The following MID1 variants were observed in gnomAD, a reference collection of about 807,000 sequenced individuals.
MID1 encodes midline 1, also known as E3 ubiquitin-protein ligase Midline-1.
MID1 carries 7 observed loss-of-function variants against 40.4 expected under a neutral mutation model. The ratio of observed to expected loss-of-function variants is 0.17; its 90% CI spans 0.10 to 0.33. The LOEUF is 0.33. MID1 is among the 10% of genes least tolerant of loss of function. The pLI, the probability that MID1 is intolerant of heterozygous loss-of-function variation, is 1.00. For synonymous variants in MID1, 229 were observed against 221.2 expected (o/e 1.04, Z -0.31); for missense variants, 367 against 558.5 (o/e 0.66, Z 3.46).
chrX:10,824,992 C>A (rs1360755456), intron 1 of MID1, among the ~76,000 whole-genome samples: 1 of 111,677 alleles, frequency 9.0e-6, no homozygotes, highest in Non-Finnish European at 1.9e-5. Flanking sequence ...CTCTCCCACA[C>A]GTTTTTCTAT....
At chrX:10,491,598 T>G (rs1179147580) in intron 4 of MID1, among the ~76,000 whole-genome samples, 1 of 111,568 alleles carries the variant, frequency 9.0e-6, no homozygotes, top group Non-Finnish European at 1.9e-5. Flanking sequence ...GATACTTTTT[T>G]GCTGCTTACT....
chrX:10,660,896 T>C (rs1386012497), intron 1 of MID1, among the ~76,000 whole-genome samples: 3 of 112,309 alleles, frequency 2.7e-5, no homozygotes, highest in Non-Finnish European at 5.6e-5. Flanking sequence ...CTAAGTGTTG[T>C]TTGAAAGCGA....
chrX:10,775,869 A>G (rs894319489), intron 1 of MID1, among the ~76,000 whole-genome samples: 2 of 111,640 alleles, frequency 1.8e-5, no homozygotes, highest in Admixed American at 9.6e-5. Context: ...AAGGCTTTTA[A>G]ACCTCAGGTT....
intron 1 of MID1, among the ~76,000 whole-genome samples, chrX:10,740,919 C>T (rs1020694766): frequency 1.8e-5 from 2 of 109,770 alleles, no homozygotes; most frequent in African/African-American, 6.8e-5. Context: ...ATCTTAAAGT[C>T]TAGCCAAAGA....
chrX:10,565,970 C>T (rs949973230), intron 2 of MID1, among the ~76,000 whole-genome samples: 3 of 110,557 alleles, frequency 2.7e-5, no homozygotes, highest in African/African-American at 9.9e-5. Context: ...CCACCACACC[C>T]GGCTAATTTT....
At chrX:10,643,224 G>C (rs1936221811) in intron 1 of MID1, among the ~76,000 whole-genome samples, 2 of 111,019 alleles carry the variant, frequency 1.8e-5, no homozygotes. Flanking sequence ...AGAGTGAACA[G>C]GCAACCTACA....
At chrX:10,511,405 G>T (rs971028161) in intron 3 of MID1, among the ~76,000 whole-genome samples, 2 of 110,979 alleles carry the variant, frequency 1.8e-5, no homozygotes, top group Non-Finnish European at 3.8e-5. Context: ...TAAGTTCAGG[G>T]TCTCTGTCTC....
At chrX:10,466,355 TTG>T (rs1333264219) in intron 7 of MID1, among the ~76,000 whole-genome samples, 2 of 112,172 alleles carry the variant, frequency 1.8e-5, no homozygotes, top group African/African-American at 6.5e-5. Flanking sequence ...CCCCTTTTTG[TTG>T]TGTTTTTCCT....
At chrX:10,557,201 G>A (rs1934155288) in intron 2 of MID1, among the ~76,000 whole-genome samples, 1 of 111,616 alleles carries the variant, frequency 9.0e-6, no homozygotes, top group African/African-American at 3.3e-5. Flanking sequence ...ATGTCAGCAT[G>A]GGGGCATCTT....
intron 1 of MID1, among the ~76,000 whole-genome samples, chrX:10,669,225 C>CAAAAAA (rs1350249196): frequency 2.9e-5 from 1 of 33,944 alleles, no homozygotes; most frequent in African/African-American, 1.5e-4. Flanking sequence ...GACTCCGTCT[C>CAAAAAA]AAAATAAAAA....
In MID1 at chrX:10,463,303, G is replaced by A. The variant is rs985685422; in HGVS notation, c.1286-3496C>T. Among the ~76,000 whole-genome samples the A allele has an allele frequency of 5.4e-5, 6 of 111,870 alleles. No homozygotes were observed. The Admixed American group carries it at 5.7e-4, about 11-fold the overall frequency. On this transcript the variant is annotated intron_variant, in intron 7 of 9. Transcript: ENST00000317552. ...TATTATCTAAGTCTCCTTCACTAAC[G>A]CCAGTTGAAGGCAATTAACTACAAT...
intron 1 of MID1, among the ~76,000 whole-genome samples, chrX:10,585,031 G>A (rs1935108566): frequency 9.0e-6 from 1 of 110,770 alleles, no homozygotes; most frequent in African/African-American, 3.3e-5. Context: ...TGGTTAGAGT[G>A]AAACAGAACA....
intron 1 of MID1, among the ~76,000 whole-genome samples, chrX:10,590,322 GTC>G (rs1935263607): frequency 9.0e-6 from 1 of 110,993 alleles, no homozygotes; most frequent in Non-Finnish European, 1.9e-5. Flanking sequence ...ATATGAGAGG[GTC>G]TGTCTCTCTT....
chrX:10,523,045 G>T, intron 3 of MID1, 47 bp downstream of exon 3: 1 of 871,557 alleles, frequency 1.1e-6, no homozygotes, highest in Non-Finnish European at 1.7e-6. Context: ...CCTTGATCTG[G>T]CAGTTTTCAT....
At chrX:10,450,302 T>C (rs781535709) in intron 9 of MID1, among the ~76,000 whole-genome samples, 1 of 112,794 alleles carries the variant, frequency 8.9e-6, no homozygotes, top group Non-Finnish European at 1.9e-5. Flanking sequence ...TTTAACACCA[T>C]GTCTGTCATT....
chrX:10,675,538 A>G (rs2043017171), intron 1 of MID1, among the ~76,000 whole-genome samples: 1 of 111,565 alleles, frequency 9.0e-6, no homozygotes, highest in Non-Finnish European at 1.9e-5. Context: ...CGCCTCTCAG[A>G]AGGACTTTTG....
At chrX:10,466,224 A>T (rs1929378096) in intron 7 of MID1, among the ~76,000 whole-genome samples, 1 of 112,005 alleles carries the variant, frequency 8.9e-6, no homozygotes, top group South Asian at 3.7e-4. Context: ...TTTGAATTTC[A>T]TCTTCTTCAA....
At position 10,464,769 on chromosome X, in the gene MID1, T is replaced by G. The variant is rs762498117; in HGVS notation, c.1285+4928A>C. Among the ~76,000 whole-genome samples, 21 of 111,929 alleles carry G rather than the reference T, an allele frequency of 1.9e-4. No homozygotes were observed. In the South Asian group the frequency reaches 7.4e-3, roughly 40 times the overall value. ...GTTGACTCCAGATGCATAAGCAATA[T>G]GAATTCTACTTAGGCCCTGTGGTTG... On this transcript the variant is annotated intron_variant, in intron 7 of 9. Transcript: ENST00000317552.
chrX:10,579,772 T>C (rs1448812708), intron 1 of MID1, among the ~76,000 whole-genome samples: 2 of 108,979 alleles, frequency 1.8e-5, no homozygotes, highest in African/African-American at 6.7e-5. Context: ...TCACTGAAGC[T>C]CTGCAGTCAG....
Sources: gnomAD v4.1 joint callset for allele counts (sites outside exome capture counted in the v4.1 genomes callset) on GRCh38, gnomAD v4.1.1 for gene constraint, MANE v1.5 for transcripts, NCBI Gene and HGNC (gene_info 2026-07-23, HGNC 2026-07-21) for gene names.